Variants in QTGAL observed in about 807,000 individuals in gnomAD.
The protein encoded by QTGAL is BGnT-like protein 1.
chr17:82,968,504 AG>A, the QTGAL span, among the ~76,000 whole-genome samples: 1 of 149,454 alleles, frequency 6.7e-6, no homozygotes, highest in African/African-American at 2.5e-5. Flanking sequence ...CAGGGAAGGG[AG>A]GCCAGTCACC....
chr17:82,946,764 G>T, the QTGAL span: 1 of 841,034 alleles, frequency 1.2e-6, no homozygotes. Context: ...AAATTAATGA[G>T]CTGAACATAA....
At chr17:83,024,796 T>C in the QTGAL span, among the ~76,000 whole-genome samples, 3 of 152,250 alleles carry the variant, frequency 2.0e-5, no homozygotes, top group Non-Finnish European at 4.4e-5. Flanking sequence ...GACGCTGTGA[T>C]GCTGAGGAGT....
the QTGAL span, among the ~76,000 whole-genome samples, chr17:83,018,340 C>A: frequency 1.3e-5 from 2 of 152,272 alleles, no homozygotes; most frequent in African/African-American, 4.8e-5. Context: ...GTGGCTGTAT[C>A]ATGTACCACA....
chr17:83,014,826 G>C, the QTGAL span, among the ~76,000 whole-genome samples: 1 of 152,280 alleles, frequency 6.6e-6, no homozygotes, highest in African/African-American at 2.4e-5. Context: ...AGGCCATTCA[G>C]ACAAGAGGAT....
chr17:83,027,614 A>G, the QTGAL span, among the ~76,000 whole-genome samples: 1 of 135,310 alleles, frequency 7.4e-6, no homozygotes, highest in Non-Finnish European at 1.5e-5. Flanking sequence ...AGACAGGAGG[A>G]TTGCTTGTGC....
At chr17:83,010,049 G>T in the QTGAL span, among the ~76,000 whole-genome samples, 1 of 121,806 alleles carries the variant, frequency 8.2e-6, no homozygotes. Context: ...CCGGCGGGGG[G>T]CTGGGGGGGC....
the QTGAL span, chr17:82,961,366 G>A: frequency 3.8e-5 from 16 of 425,012 alleles, no homozygotes; most frequent in African/African-American, 2.9e-4. Flanking sequence ...GTGAGCAACC[G>A]AGCTTCTCCA....
chr17:83,026,701 CCTCG>C, the QTGAL span, among the ~76,000 whole-genome samples: 15 of 131,046 alleles, frequency 1.1e-4, no homozygotes, highest in African/African-American at 3.9e-4. Flanking sequence ...ACAAACCCAC[CCTCG>C]ACAGACACGC....
At chr17:83,045,047 A>G in the QTGAL span, among the ~76,000 whole-genome samples, 1 of 152,256 alleles carries the variant, frequency 6.6e-6, no homozygotes, top group South Asian at 2.1e-4. Context: ...AAAAACCCAC[A>G]AAGAACAAAC....
At chr17:82,967,345 GAC>G in the QTGAL span, among the ~76,000 whole-genome samples, 3 of 152,180 alleles carry the variant, frequency 2.0e-5, no homozygotes, top group Non-Finnish European at 4.4e-5. Flanking sequence ...GTCAGGCAGA[GAC>G]ACAATGGCTG....
chr17:83,047,115 C>G, the QTGAL span, among the ~76,000 whole-genome samples: 2 of 152,232 alleles, frequency 1.3e-5, no homozygotes, highest in African/African-American at 4.8e-5. Context: ...AGGGGCTTCT[C>G]ACAGTTCTGG....
the QTGAL span, among the ~76,000 whole-genome samples, chr17:82,999,709 T>C: frequency 1.3e-5 from 2 of 152,370 alleles, no homozygotes; most frequent in African/African-American, 4.8e-5. Flanking sequence ...TAAGTTCACG[T>C]AGTCTGTTTA....
At chr17:83,005,172 GGA>G in the QTGAL span, 1 of 1,610,472 alleles carries the variant, frequency 6.2e-7, no homozygotes, top group Non-Finnish European at 8.5e-7. The surrounding 1 kb of genome is among the most constrained non-coding windows in gnomAD (Gnocchi z 5.6). Context: ...ATCGTTCGGT[GGA>G]GTTAGGGGGA....
chr17:82,956,744 A>ATGGGGATT, the QTGAL span: 1 of 1,588,446 alleles, frequency 6.3e-7, no homozygotes, highest in Non-Finnish European at 8.6e-7. The surrounding 1 kb of genome is among the most constrained non-coding windows in gnomAD (Gnocchi z 5.7). Context: ...GAAGTGCAGG[A>ATGGGGATT]TGGGGATTCG....
At chr17:83,034,776 C>T in the QTGAL span, among the ~76,000 whole-genome samples, 3 of 152,200 alleles carry the variant, frequency 2.0e-5, no homozygotes, top group Non-Finnish European at 4.4e-5. Context: ...CCTCTCTCAT[C>T]GGCCGCCACG....
the QTGAL span, among the ~76,000 whole-genome samples, chr17:82,999,280 ACACACAAAGG>A: frequency 6.7e-6 from 1 of 148,490 alleles, no homozygotes. Context: ...ACTGTCATGC[ACACACAAAGG>A]CTTGTACATA....
At chr17:82,954,260 A>C in the QTGAL span, among the ~76,000 whole-genome samples, 2 of 152,198 alleles carry the variant, frequency 1.3e-5, 1 homozygote, top group Admixed American at 1.3e-4. Flanking sequence ...GTCTCAGCCC[A>C]AAAACTCCTT....
At chr17:82,965,858 C>T in the QTGAL span, 1 of 1,140,428 alleles carries the variant, frequency 8.8e-7, no homozygotes, top group Admixed American at 2.0e-5. Flanking sequence ...ATCCGTGTCC[C>T]TTCTCCACAG....
chr17:82,996,904 A>T, the QTGAL span, among the ~76,000 whole-genome samples: 1 of 152,246 alleles, frequency 6.6e-6, no homozygotes, highest in African/African-American at 2.4e-5. Flanking sequence ...ATCAAAATGG[A>T]TTAAAGACTT....
Sources: gnomAD v4.1 joint callset for allele counts (sites outside exome capture counted in the v4.1 genomes callset) on GRCh38, gnomAD v4.1.1 for gene constraint, Gnocchi (gnomAD v3.1) non-coding constraint, MANE v1.5 for transcripts, NCBI Gene and HGNC (gene_info 2026-07-23, HGNC 2026-07-21) for gene names.